The following AKAP6 variants were observed in gnomAD, a reference collection of about 807,000 sequenced individuals.
AKAP6 encodes the protein A-kinase anchoring protein 6.
AKAP6 carries 58 observed loss-of-function variants against 188.5 expected under a neutral mutation model. The observed-to-expected ratio is 0.31, with a 90% confidence interval of 0.25 to 0.38. AKAP6 has a LOEUF of 0.38. Among genes scored for constraint, AKAP6 ranks in the 10% least tolerant of loss-of-function variants. AKAP6 has a pLI of 1.00. For missense variants in AKAP6, 2,710 were observed against 2,740.0 expected, an observed-to-expected ratio of 0.99 and a Z score of 0.24; for synonymous variants, 989 against 998.6, an observed-to-expected ratio of 0.99 and a Z score of 0.18.
At chr14:32,713,376 C>G (rs537720146) in intron 9 of AKAP6, among the ~76,000 whole-genome samples, 25 of 152,084 alleles carry the variant, frequency 1.6e-4, no homozygotes, top group Middle Eastern at 3.4e-3. Flanking sequence ...CAGCTTTAGC[C>G]TCTCACAAGA....
chr14:32,410,408 A>C (rs1200835957), intron 1 of AKAP6, among the ~76,000 whole-genome samples: 1 of 152,084 alleles, frequency 6.6e-6, no homozygotes, highest in Non-Finnish European at 1.5e-5. Context: ...GAAGCTCCCC[A>C]CTTTGAGTTG....
At chr14:32,768,782 A>G (rs1306052405) in intron 11 of AKAP6, among the ~76,000 whole-genome samples, 1 of 152,160 alleles carries the variant, frequency 6.6e-6, no homozygotes, top group East Asian at 1.9e-4. Flanking sequence ...GGAATCACCT[A>G]TAGGGCTTGC....
rs771014636 is a variant in AKAP6, at chr14:32,545,873, G to A, written c.1220G>A (p.Gly407Asp). The change falls in exon 4 of 14, where the codon GGC (glycine) becomes GAC (aspartate). Residue 407 changes from glycine to aspartate, a missense_variant. Coordinates refer to ENST00000280979, the MANE Select transcript of AKAP6 (RefSeq NM_004274.5). Reference sequence around the variant, plus strand: ...GAAACTTTTAAGAATGATCTGAAAGGCAATGGTGGAAAGAGGCAAATGGTT... The same window carrying A: ...GAAACTTTTAAGAATGATCTGAAAGACAATGGTGGAAAGAGGCAAATGGTT... ...KEETFKNDLK[G>D]NGGKRQMVDL... 1.1e-5 allele frequency: 17 copies of A among 1,614,168 alleles called. No individual in the cohort carries two copies. The highest frequency in any genetic ancestry group is 1.4e-5 in the Non-Finnish European group (17 of 1,180,010).
chr14:32,338,189 C>G (rs1250140144), intron 1 of AKAP6, among the ~76,000 whole-genome samples: 2 of 151,918 alleles, frequency 1.3e-5, no homozygotes, highest in African/African-American at 4.8e-5. Context: ...AAAAAAAATT[C>G]TTTAAGAAAA....
At chr14:32,581,056 G>A (rs948388809) in intron 5 of AKAP6, among the ~76,000 whole-genome samples, 1 of 152,132 alleles carries the variant, frequency 6.6e-6, no homozygotes, top group African/African-American at 2.4e-5. Context: ...AAAGTCCTTT[G>A]GGTATATACC....
intron 7 of AKAP6, among the ~76,000 whole-genome samples, chr14:32,631,316 A>AT (rs1887263910): frequency 6.6e-6 from 1 of 152,050 alleles, no homozygotes; most frequent in South Asian, 2.1e-4. Context: ...AAACAAACTC[A>AT]TGATGTTATA....
Position 32,599,408 on chromosome 14 carries a change from A to AGAGTT in AKAP6, c.2470-1_2473dup. 1 of 1,609,362 alleles carries AGAGTT rather than the reference A, an allele frequency of 6.2e-7. No homozygotes were observed. Among genetic ancestry groups the AGAGTT allele is most frequent in the Non-Finnish European group, 8.5e-7 (1 of 1,177,580 alleles). ...GTTTAATGTTCATATTTTTCCTTGC[A>AGAGTT]GAGTTTTAAGTTGAATGTAGACAGT... On this transcript the variant is annotated splice_acceptor_variant, in intron 5 of 13. Coordinates refer to ENST00000280979, the MANE Select transcript of AKAP6 (RefSeq NM_004274.5). LOFTEE classifies it high-confidence loss of function.
chr14:32,429,932 T>C (rs1456302850), intron 1 of AKAP6, among the ~76,000 whole-genome samples: 1 of 152,260 alleles, frequency 6.6e-6, no homozygotes, highest in Non-Finnish European at 1.5e-5. Flanking sequence ...CTGGTTTGTC[T>C]TCTACATATA....
intron 11 of AKAP6, among the ~76,000 whole-genome samples, chr14:32,737,289 T>G (rs1450264235): frequency 6.6e-6 from 1 of 152,174 alleles, no homozygotes; most frequent in Non-Finnish European, 1.5e-5. Flanking sequence ...TCATGACTGT[T>G]GGAATAAATC....
intron 13 of AKAP6, among the ~76,000 whole-genome samples, chr14:32,828,185 G>A (rs1461970347): frequency 6.6e-6 from 1 of 152,128 alleles, no homozygotes; most frequent in Admixed American, 6.5e-5. Flanking sequence ...CTGCTGCTCA[G>A]ATTTTACAAA....
At chr14:32,406,384 A>G (rs923919443) in intron 1 of AKAP6, among the ~76,000 whole-genome samples, 10 of 151,874 alleles carry the variant, frequency 6.6e-5, no homozygotes, top group African/African-American at 1.7e-4. Flanking sequence ...TAATTTTTGT[A>G]TTTTTAGTAG....
intron 3 of AKAP6, among the ~76,000 whole-genome samples, chr14:32,540,192 A>ATATATTTTTTTTTT (rs1406480125): frequency 8.1e-6 from 1 of 123,422 alleles, no homozygotes; most frequent in Non-Finnish European, 1.7e-5. Flanking sequence ...ATATATATAT[A>ATATATTTTTTTTTT]TTTTAATTTT....
At position 32,522,390 on chromosome 14, in the gene AKAP6, A is replaced by G. The variant is rs546276152; in HGVS notation, c.325-13164A>G. Among the ~76,000 whole-genome samples, 1,438 of 152,268 alleles carry G rather than the reference A, an allele frequency of 9.4e-3. 23 individuals carry two copies. The highest frequency in any genetic ancestry group is 0.03 in the African/African-American group (1,246 of 41,546). On this transcript the variant is annotated intron_variant, in intron 2 of 13. Coordinates refer to ENST00000280979, the MANE Select transcript of AKAP6 (RefSeq NM_004274.5). Reference sequence around the variant, plus strand: ...GCACAGCAAAAGAAACTACCATCAGAGTGAACAGGCAACCTACAGAATGGG... The same window carrying G: ...GCACAGCAAAAGAAACTACCATCAGGGTGAACAGGCAACCTACAGAATGGG...
intron 11 of AKAP6, among the ~76,000 whole-genome samples, chr14:32,766,402 T>C (rs1181569623): frequency 1.3e-5 from 2 of 152,122 alleles, no homozygotes; most frequent in Non-Finnish European, 2.9e-5. Context: ...CATACAGTAA[T>C]TATATGTTTA....
intron 9 of AKAP6, among the ~76,000 whole-genome samples, chr14:32,725,500 T>C (rs1430338937): frequency 1.3e-5 from 2 of 152,222 alleles, no homozygotes; most frequent in East Asian, 3.8e-4. Flanking sequence ...GATTTTTTTT[T>C]CTCTGAATTA....
At chr14:32,402,729 A>G (rs1889138318) in intron 1 of AKAP6, among the ~76,000 whole-genome samples, 1 of 144,676 alleles carries the variant, frequency 6.9e-6, no homozygotes, top group South Asian at 2.2e-4. Context: ...TGGTTGGTTG[A>G]TTTTTTTTTT....
chr14:32,376,926 C>T (rs1366608199), intron 1 of AKAP6, among the ~76,000 whole-genome samples: 7 of 152,196 alleles, frequency 4.6e-5, no homozygotes, highest in East Asian at 3.9e-4. Context: ...TACTCCTGAC[C>T]GCATGTGATC....
intron 11 of AKAP6, among the ~76,000 whole-genome samples, chr14:32,771,790 C>A (rs1386197000): frequency 6.6e-6 from 1 of 152,126 alleles, no homozygotes; most frequent in Non-Finnish European, 1.5e-5. Flanking sequence ...TTGCAAAATT[C>A]AGTTCTATGG....
chr14:32,556,152 G>A (rs2383343), intron 4 of AKAP6, among the ~76,000 whole-genome samples: 74,293 of 151,888 alleles, frequency 0.49, 19,858 homozygotes, highest in African/African-American at 0.72. Flanking sequence ...AGCCATTGTA[G>A]TGGGTGTAAG....
Sources: allele counts gnomAD v4.1 joint callset (sites outside exome capture counted in the v4.1 genomes callset), GRCh38; gene constraint gnomAD v4.1.1; transcripts MANE v1.5; gene names NCBI Gene and HGNC (gene_info 2026-07-23, HGNC 2026-07-21).